Variants in SLC7A1 observed in about 807,000 individuals in gnomAD.
SLC7A1 encodes the protein high affinity cationic amino acid transporter 1.
SLC7A1 carries 10 observed loss-of-function variants against 53.9 expected under a neutral mutation model. That is an observed-to-expected ratio of 0.19 (90% confidence interval 0.11 to 0.31). The LOEUF is 0.31. Ranked by LOEUF, SLC7A1 falls within the 10% of genes least tolerant of loss-of-function variation. The pLI is 1.00. For synonymous variants in SLC7A1, 342 were observed against 338.7 expected (o/e 1.01, Z -0.11); for missense variants, 525 against 827.2 (o/e 0.63, Z 4.48).
At chr13:29,530,744 T>A (rs1364600572) in intron 4 of SLC7A1, 32 bp from the exon 5 acceptor site, 27 of 1,601,390 alleles carry the variant, frequency 1.7e-5, no homozygotes, top group Non-Finnish European at 2.3e-5. Flanking sequence ...AAACTTTGTC[T>A]GAGTGTTAAC....
intron 2 of SLC7A1, among the ~76,000 whole-genome samples, chr13:29,551,514 C>T (rs1870187032): frequency 6.6e-6 from 1 of 152,176 alleles, no homozygotes; most frequent in Non-Finnish European, 1.5e-5. Flanking sequence ...CACCCAAGGG[C>T]TTCCCCTCAC....
chr13:29,576,895 C>G (rs1206626962), intron 1 of SLC7A1, among the ~76,000 whole-genome samples: 1 of 152,178 alleles, frequency 6.6e-6, no homozygotes, highest in East Asian at 1.9e-4. Context: ...AGAGACCAGG[C>G]TAGAACCCAG....
chr13:29,542,612 A>T (rs1203695682), intron 2 of SLC7A1, among the ~76,000 whole-genome samples: 1 of 151,912 alleles, frequency 6.6e-6, no homozygotes, highest in Non-Finnish European at 1.5e-5. Flanking sequence ...GAGCCCAGGA[A>T]ATCAAGACTG....
At chr13:29,521,992 T>A (rs1868650220) in intron 8 of SLC7A1, among the ~76,000 whole-genome samples, 1 of 152,196 alleles carries the variant, frequency 6.6e-6, no homozygotes, top group Non-Finnish European at 1.5e-5. Flanking sequence ...CAGGAAGGTG[T>A]CAGCCTGCCC....
chr13:29,559,917 G>T (rs941186133), intron 1 of SLC7A1, among the ~76,000 whole-genome samples: 2 of 151,936 alleles, frequency 1.3e-5, no homozygotes, highest in East Asian at 1.9e-4. Flanking sequence ...GGGTTTCACC[G>T]TGTTAGCCAG....
intron 2 of SLC7A1, among the ~76,000 whole-genome samples, chr13:29,543,437 TCC>T (rs34460584): frequency 0.091 from 13,802 of 152,220 alleles, 668 homozygotes; most frequent in Middle Eastern, 0.15. Flanking sequence ...CCTTCAGGCC[TCC>T]CTGACTTCAC....
chr13:29,525,625 C>T (rs778774163), intron 5 of SLC7A1, among the ~76,000 whole-genome samples: 7 of 152,194 alleles, frequency 4.6e-5, no homozygotes, highest in Non-Finnish European at 8.8e-5. Context: ...ATCATCACAG[C>T]TCTCAGTTAC....
At chr13:29,555,357 C>CAAAAAAAAAAAAAAAAAAAAAAAAAAAAA (rs538934310) in intron 1 of SLC7A1, among the ~76,000 whole-genome samples, 1 of 18,780 alleles carries the variant, frequency 5.3e-5, no homozygotes, top group Non-Finnish European at 1.2e-4. Context: ...GACTCCGTCT[C>CAAAAAAAAAAAAAAAAAAAAAAAAAAAAA]AAAAAAAAAA....
At chr13:29,581,540 A>G (rs1201144876) in intron 1 of SLC7A1, among the ~76,000 whole-genome samples, 3 of 152,242 alleles carry the variant, frequency 2.0e-5, no homozygotes, top group Non-Finnish European at 4.4e-5. Flanking sequence ...AGACTTTTAA[A>G]GAACCAAATA....
At chr13:29,595,079 G>C (rs918376961) in intron 1 of SLC7A1, among the ~76,000 whole-genome samples, 1 of 152,140 alleles carries the variant, frequency 6.6e-6, no homozygotes, top group Non-Finnish European at 1.5e-5. Flanking sequence ...CCCGTGCGTA[G>C]CGGCGCGCGG....
In SLC7A1 at chr13:29,552,873, C is replaced by T. The variant is rs553395068; in HGVS notation, c.-15+888G>A. Among the ~76,000 whole-genome samples, 4 of 152,326 alleles carry T rather than the reference C, an allele frequency of 2.6e-5. No homozygotes were observed. The East Asian group carries it at 5.8e-4, about 22-fold the overall frequency. On this transcript the variant is annotated intron_variant, in intron 2 of 12. Coordinates refer to ENST00000380752, the MANE Select transcript of SLC7A1 (RefSeq NM_003045.5). ...GTGTGTGTTTCTTCAATTCCTCTAG[C>T]GCCGCTGGGTTAGGGTCTCCGACCA...
chr13:29,517,282 C>A lies in SLC7A1; in HGVS notation c.1539G>T (p.Val513=). The stretch of plus-strand genomic sequence containing the variant: ...TGAGAGCCTCCCTTCCAAGCACGGT[C>A]ACAATGCAGAAGGTGATGATGAGAA... ...IAVLIITFCI[V]TVLGREALTK... The change falls in exon 11 of 13, where the codon GTG becomes GTT. Residue 513 remains valine, a synonymous_variant. Transcript: ENST00000380752. The A allele has an allele frequency of 6.2e-7, 1 of 1,613,072 alleles. No homozygotes were observed. Among genetic ancestry groups the A allele is most frequent in the East Asian group, 2.2e-5 (1 of 44,882 alleles).
intron 3 of SLC7A1, among the ~76,000 whole-genome samples, chr13:29,533,317 C>T (rs1381513314): frequency 1.3e-5 from 2 of 152,162 alleles, no homozygotes; most frequent in African/African-American, 4.8e-5. Flanking sequence ...TTTAATGCTA[C>T]CTACTTTGTT....
chr13:29,521,163 T>G (rs1227716767), intron 8 of SLC7A1, among the ~76,000 whole-genome samples: 1 of 152,218 alleles, frequency 6.6e-6, no homozygotes, highest in Non-Finnish European at 1.5e-5. Flanking sequence ...CTGTGGTCAC[T>G]CTCAAGAGCA....
intron 8 of SLC7A1, 101 bp downstream of exon 8, chr13:29,522,216 G>T (rs777406775): frequency 2.1e-5 from 25 of 1,204,302 alleles, no homozygotes; most frequent in Admixed American, 2.1e-4. Flanking sequence ...AAAAAGACCA[G>T]TTAAGATTAC....
chr13:29,514,166 C>T lies in SLC7A1; in HGVS notation c.*314G>A. 2.8e-6 allele frequency: 1 copy of T among 360,854 alleles called. No individual in the cohort carries two copies. The allele number at this position is 360,854 out of a possible 1,614,324, so 22.4% of individuals were successfully genotyped here. ...GGAGAGAAGGTGACCTCCGTTCTGCCTGAGGCTGCGGCAGCTCGGGGCTGA... is the reference window on the plus strand; with the variant it reads ...GGAGAGAAGGTGACCTCCGTTCTGCTTGAGGCTGCGGCAGCTCGGGGCTGA... On this transcript the variant is annotated 3_prime_UTR_variant, in exon 13 of 13. Transcript: ENST00000380752.
At chr13:29,587,354 A>C (rs970263819) in intron 1 of SLC7A1, among the ~76,000 whole-genome samples, 1 of 152,142 alleles carries the variant, frequency 6.6e-6, no homozygotes, top group East Asian at 1.9e-4. Context: ...GCGAGATCCA[A>C]ACTTCACTAC....
chr13:29,584,928 T>C (rs1449114580), intron 1 of SLC7A1, among the ~76,000 whole-genome samples: 1 of 152,206 alleles, frequency 6.6e-6, no homozygotes, highest in East Asian at 1.9e-4. Flanking sequence ...TTCAGACAGG[T>C]TCTTCGTCGC....
At chr13:29,549,770 T>A (rs1482526819) in intron 2 of SLC7A1, among the ~76,000 whole-genome samples, 2 of 152,134 alleles carry the variant, frequency 1.3e-5, no homozygotes, top group East Asian at 3.9e-4. Flanking sequence ...GTTCAAGCAA[T>A]CCTCCCACCT....
Sources: allele counts gnomAD v4.1 joint callset (sites outside exome capture counted in the v4.1 genomes callset), GRCh38; gene constraint gnomAD v4.1.1; transcripts MANE v1.5; gene names NCBI Gene and HGNC (gene_info 2026-07-23, HGNC 2026-07-21).